RNF141: variants seen among roughly 807,000 people sequenced by gnomAD.
RNF141 encodes ring finger protein 141.
A neutral mutation model predicts 27.4 loss-of-function variants in RNF141; 18 were observed. The ratio of observed to expected loss-of-function variants is 0.66; its 90% confidence interval spans 0.45 to 0.97. The LOEUF is 0.97. RNF141 is among the 50% of genes least tolerant of loss of function. The pLI is 0.00. For missense variants in RNF141, 230 were observed against 279.4 expected, an observed-to-expected ratio of 0.82 and a Z score of 1.26; for synonymous variants, 97 against 96.6, an observed-to-expected ratio of 1.00 and a Z score of -0.02.
At chr11:10,522,734 G>T (rs1849897823) in intron 4 of RNF141, among the ~76,000 whole-genome samples, 1 of 152,190 alleles carries the variant, frequency 6.6e-6, no homozygotes, top group South Asian at 2.1e-4. Context: ...ATAGAATATA[G>T]TAACAATAAT....
At chr11:10,521,399 A>G (rs765877377) in intron 4 of RNF141, among the ~76,000 whole-genome samples, 1 of 152,078 alleles carries the variant, frequency 6.6e-6, no homozygotes, top group Non-Finnish European at 1.5e-5. Flanking sequence ...ATTTCTTTTA[A>G]CCTTTGTGCT....
intron 3 of RNF141, among the ~76,000 whole-genome samples, chr11:10,526,697 C>A (rs952172378): frequency 6.6e-6 from 1 of 151,636 alleles, no homozygotes; most frequent in Admixed American, 6.6e-5. Flanking sequence ...GCAGGAGAAT[C>A]ACTTGAACCA....
At chr11:10,534,252 G>A (rs1285222135) in intron 1 of RNF141, 47 bp from the exon 2 acceptor site, 10 of 1,322,800 alleles carry the variant, frequency 7.6e-6, no homozygotes, top group Middle Eastern at 4.8e-4. Flanking sequence ...TACAAAAACG[G>A]CAATATACTC....
rs1455360889 is a variant in RNF141, at chr11:10,513,726, C to G, written c.*1190G>C. ...TAGGAGTCTCGTTCTGTCTCCCAGG[C>G]TGGAGTGCAGTGGTGTGATCTCGGC... On this transcript the variant is annotated 3_prime_UTR_variant, in exon 6 of 6. Transcript: ENST00000265981. 6.6e-6 allele frequency: 1 copy of G among 151,952 alleles called. No homozygotes were observed. The highest frequency in any genetic ancestry group is 1.9e-4 in the East Asian group (1 of 5,186). 9.4% of individuals were successfully genotyped at this position (151,952 alleles called of 1,614,324 possible). A position where few individuals can be genotyped will look rare whatever the true frequency, so the allele number is the denominator to read the frequency against.
At chr11:10,524,986 A>G (rs963760410) in intron 4 of RNF141, among the ~76,000 whole-genome samples, 3 of 152,192 alleles carry the variant, frequency 2.0e-5, no homozygotes, top group African/African-American at 7.2e-5. Context: ...CATTAATATT[A>G]AAGTGGCCCT....
At chr11:10,530,921 A>G (rs1266128095) in intron 2 of RNF141, among the ~76,000 whole-genome samples, 170 bp from the exon 3 acceptor site, 1 of 152,238 alleles carries the variant, frequency 6.6e-6, no homozygotes, top group Non-Finnish European at 1.5e-5. Flanking sequence ...GGGATAGAGA[A>G]TATTTTGAAC....
At chr11:10,530,070 C>T (rs1849972373) in intron 3 of RNF141, among the ~76,000 whole-genome samples, 1 of 152,146 alleles carries the variant, frequency 6.6e-6, no homozygotes, top group African/African-American at 2.4e-5. Context: ...TAGGAGGTGG[C>T]CTAATAAAAT....
At chr11:10,515,927 G>A (rs529254399) in intron 5 of RNF141, 7 of 152,244 alleles carry the variant, frequency 4.6e-5, no homozygotes, top group East Asian at 1.9e-4. Context: ...TTATGTTTTC[G>A]AAAAGGATTT....
At chr11:10,527,650 G>T (rs868288013) in intron 3 of RNF141, among the ~76,000 whole-genome samples, 156 of 152,198 alleles carry the variant, frequency 1.0e-3, no homozygotes, top group Non-Finnish European at 1.4e-3. Context: ...AGTCACGGGG[G>T]GGGGTTTTGA....
chr11:10,517,536 A>G (rs1319311740), intron 5 of RNF141: 1 of 152,138 alleles, frequency 6.6e-6, no homozygotes, highest in African/African-American at 2.4e-5. Context: ...CAAGCACAAG[A>G]AACATGAAAA....
At chr11:10,517,941 A>G (rs2133965430) in intron 5 of RNF141, among the ~76,000 whole-genome samples, 1 of 152,308 alleles carries the variant, frequency 6.6e-6, no homozygotes, top group South Asian at 2.1e-4. Context: ...ACCATTTAAA[A>G]TAGCATAAAA....
At chr11:10,515,226 TC>T in intron 5 of RNF141, 160 bp from the exon 6 acceptor site, 1 of 782,812 alleles carries the variant, frequency 1.3e-6, no homozygotes, top group Non-Finnish European at 1.9e-6. Flanking sequence ...CAATTCTCTT[TC>T]CCAGGGGCAA....
rs1849808369 is a variant in RNF141, at chr11:10,512,377, A to G, written c.*2539T>C. 2 of 152,658 alleles carry G rather than the reference A, an allele frequency of 1.3e-5. No individual in the cohort carries two copies. Among genetic ancestry groups the G allele is most frequent in the Non-Finnish European group, 2.9e-5 (2 of 68,028 alleles). The allele number at this position is 152,658 out of a possible 1,614,324, so 9.5% of individuals were successfully genotyped here. A position where few individuals can be genotyped will look rare whatever the true frequency, so the allele number is the denominator to read the frequency against. On this transcript the variant is annotated 3_prime_UTR_variant, in exon 6 of 6. Transcript: ENST00000265981. ...CTCATTTATTTATTTGATAAGGCTA[A>G]TAACATTTTATATTCACAGTAGATC... is the stretch of plus-strand genomic sequence containing the variant.
At chr11:10,518,960 C>T (rs952508986) in intron 5 of RNF141, 74 bp downstream of exon 5, 10 of 1,097,678 alleles carry the variant, frequency 9.1e-6, no homozygotes, top group African/African-American at 3.1e-5. Context: ...AGTATTTTTG[C>T]ACTTTTCAAA....
In RNF141 at chr11:10,527,193, A is replaced by C. The variant is rs12799542; in HGVS notation, c.253-1820T>G. Among the ~76,000 whole-genome samples, 393 of 152,348 alleles carry C rather than the reference A, an allele frequency of 2.6e-3. 2 individuals carry two copies. The highest frequency in any genetic ancestry group is 6.8e-3 in the Middle Eastern group (2 of 294). The stretch of plus-strand genomic sequence containing the variant: ...ATGTGCACTGCTCTAGGCACTAGCC[A>C]CAGTGTGTATAAAACAAAATCCCTG... On this transcript the variant is annotated intron_variant, in intron 3 of 5. Transcript: ENST00000265981.
intron 4 of RNF141, 46 bp downstream of exon 4, chr11:10,525,146 T>C: frequency 7.2e-7 from 1 of 1,389,010 alleles, no homozygotes; most frequent in Non-Finnish European, 9.7e-7. Flanking sequence ...TTCAGTTGTT[T>C]TCATATTAGA....
chr11:10,530,600 A>G (rs1849977140), intron 3 of RNF141, 43 bp downstream of exon 3: 2 of 1,148,642 alleles, frequency 1.7e-6, no homozygotes, highest in Non-Finnish European at 1.3e-6. Context: ...TCTAGCCACC[A>G]AAATAGCTTA....
intron 4 of RNF141, among the ~76,000 whole-genome samples, chr11:10,519,460 T>C (rs1284434624): frequency 6.6e-6 from 1 of 152,202 alleles, no homozygotes; most frequent in Non-Finnish European, 1.5e-5. Flanking sequence ...ATATTGGACT[T>C]AAATAAACAA....
chr11:10,517,715 A>G lies in RNF141; in HGVS notation c.542+1319T>C, dbSNP rs566347425. 3 of 152,280 alleles carry G rather than the reference A, an allele frequency of 2.0e-5. No homozygotes were observed. The South Asian group carries it at 6.2e-4, about 32-fold the overall frequency. 9.4% of individuals were successfully genotyped at this position (152,280 alleles called of 1,614,324 possible). A position where few individuals can be genotyped will look rare whatever the true frequency, so the allele number is the denominator to read the frequency against. Reference sequence around the variant, plus strand: ...GAGTGTGAAGCAACATTATTAACATACTGAAAGAAAAAATACTCTCAAGTC... The same window carrying G: ...GAGTGTGAAGCAACATTATTAACATGCTGAAAGAAAAAATACTCTCAAGTC... On this transcript the variant is annotated intron_variant, in intron 5 of 5. Transcript: ENST00000265981.
Sources: allele counts gnomAD v4.1 joint callset (sites outside exome capture counted in the v4.1 genomes callset), GRCh38; gene constraint gnomAD v4.1.1; transcripts MANE v1.5; gene names NCBI Gene and HGNC (gene_info 2026-07-23, HGNC 2026-07-21).